Variants in DOK5 observed in about 807,000 individuals in gnomAD.
The protein encoded by DOK5 is downstream of tyrosine kinase 5.
In DOK5, 27 loss-of-function variants were observed where a neutral mutation model predicts 43.3. The observed-to-expected ratio is 0.62, with a 90% CI of 0.46 to 0.86. The LOEUF is 0.86. Among genes scored for constraint, DOK5 ranks in the 40% least tolerant of loss-of-function variants. The probability of loss-of-function intolerance (pLI) is 0.00; values close to 1 mark genes in which losing one functional copy is unlikely to be tolerated. For missense variants in DOK5, 373 were observed against 392.9 expected (o/e 0.95, Z 0.43); for synonymous variants, 146 against 140.1 (o/e 1.04, Z -0.30).
At position 54,591,704 on chromosome 20, in the gene DOK5, T is replaced by C. The variant is rs764444065; in HGVS notation, c.498T>C (p.Leu166=). ...ALQITYEYIC[L]WDVQNPRVKL... Reference sequence around the variant, plus strand: ...AGATTACATATGAGTATATCTGTCTTTGGGACGTCCAGAATCCCAGAGTCA... The same window carrying C: ...AGATTACATATGAGTATATCTGTCTCTGGGACGTCCAGAATCCCAGAGTCA... Residue 166 remains leucine (L), a synonymous_variant, in exon 5 of 8, where the codon CTT becomes CTC. Coordinates refer to ENST00000262593, the MANE Select transcript of DOK5 (RefSeq NM_018431.5). 6.2e-7 allele frequency: 1 copy of C among 1,614,216 alleles called. No individual in the cohort carries two copies. The highest frequency in any genetic ancestry group is 8.5e-7 in the Non-Finnish European group (1 of 1,180,014).
At chr20:54,594,059 G>A (rs1307249461) in intron 5 of DOK5, among the ~76,000 whole-genome samples, 1 of 152,232 alleles carries the variant, frequency 6.6e-6, no homozygotes, top group African/African-American at 2.4e-5. Flanking sequence ...CTTAATACCT[G>A]CATGATGAAA....
At chr20:54,648,863 C>T (rs866632302) in intron 7 of DOK5, among the ~76,000 whole-genome samples, 1 of 152,178 alleles carries the variant, frequency 6.6e-6, no homozygotes, top group Admixed American at 6.5e-5. Flanking sequence ...CAATGTTCCT[C>T]TAACTCTCTC....
At chr20:54,490,685 A>G (rs1217053678) in intron 1 of DOK5, among the ~76,000 whole-genome samples, 3 of 152,174 alleles carry the variant, frequency 2.0e-5, no homozygotes, top group Non-Finnish European at 4.4e-5. Flanking sequence ...TCCCGTGTTC[A>G]AGCAATTCTC....
At chr20:54,525,398 G>T (rs1372954326) in intron 1 of DOK5, among the ~76,000 whole-genome samples, 1 of 152,144 alleles carries the variant, frequency 6.6e-6, no homozygotes, top group African/African-American at 2.4e-5. Context: ...TTTATGCAGG[G>T]AATATGCACT....
chr20:54,525,652 G>A lies in DOK5; in HGVS notation c.67-29281G>A, dbSNP rs1226802616. Among the ~76,000 whole-genome samples, 4 of 152,172 alleles carry A rather than the reference G, an allele frequency of 2.6e-5. No individual in the cohort carries two copies. In the East Asian group the frequency reaches 7.7e-4, roughly 29 times the overall value. On this transcript the variant is annotated intron_variant, in intron 1 of 7. Coordinates refer to ENST00000262593, the MANE Select transcript of DOK5 (RefSeq NM_018431.5). ...GAGACAAGAATAATATTAGCTGGGA[G>A]AGTTAAATAGGCTACATTGATGCAG...
intron 2 of DOK5, among the ~76,000 whole-genome samples, chr20:54,567,301 A>T (rs1985130678): frequency 2.6e-5 from 4 of 152,130 alleles, no homozygotes; most frequent in Non-Finnish European, 5.9e-5. Context: ...TTAAGAAAAA[A>T]GGTATAGTTT....
chr20:54,618,083 C>T (rs1260125377), intron 6 of DOK5, among the ~76,000 whole-genome samples: 2 of 152,190 alleles, frequency 1.3e-5, no homozygotes, highest in Non-Finnish European at 2.9e-5. Context: ...TATGCTCCTA[C>T]AGGGCTTACA....
chr20:54,513,478 A>AG (rs561801956), intron 1 of DOK5, among the ~76,000 whole-genome samples: 1 of 150,746 alleles, frequency 6.6e-6, no homozygotes, highest in African/African-American at 2.4e-5. Context: ...AAAAAAAAAA[A>AG]AAAAAAAAAA....
chr20:54,625,306 C>T (rs890755449), intron 6 of DOK5, among the ~76,000 whole-genome samples: 7 of 152,168 alleles, frequency 4.6e-5, no homozygotes, highest in African/African-American at 1.7e-4. Flanking sequence ...GCCCCTGGGA[C>T]AGTGGGGGTC....
At chr20:54,605,014 T>TAAA (rs1345395269) in intron 5 of DOK5, among the ~76,000 whole-genome samples, 3 of 113,318 alleles carry the variant, frequency 2.6e-5, no homozygotes, top group Non-Finnish European at 5.3e-5. Context: ...AAAAAAAAAA[T>TAAA]ATATATATAT....
chr20:54,483,233 A>T (rs953688538), intron 1 of DOK5, among the ~76,000 whole-genome samples: 1 of 152,348 alleles, frequency 6.6e-6, no homozygotes, highest in African/African-American at 2.4e-5. Flanking sequence ...ACATCTGCCA[A>T]TGTATTTTTG....
chr20:54,563,649 TTCTC>T (rs1180606127), intron 2 of DOK5, among the ~76,000 whole-genome samples: 1 of 151,142 alleles, frequency 6.6e-6, no homozygotes, highest in Admixed American at 6.6e-5. Flanking sequence ...TGCTTTTCTC[TTCTC>T]TATTTGTCAG....
intron 6 of DOK5, among the ~76,000 whole-genome samples, chr20:54,630,100 G>C (rs112135648): frequency 2.0e-5 from 3 of 152,166 alleles, no homozygotes; most frequent in African/African-American, 7.2e-5. Flanking sequence ...CCTGGAAGCT[G>C]TTTGGAAACG....
rs556413003 is a variant in DOK5 at position 54,600,274 on chromosome 20, C to T, written c.599+8469C>T. On this transcript the variant is annotated intron_variant, in intron 5 of 7. Transcript: ENST00000262593. The stretch of plus-strand genomic sequence containing the variant: ...TTGAAGGTGGTTGTGAAGAATTTGG[C>T]TTTTAGTCTTAGTCTGATGGGGAGC... Among the ~76,000 whole-genome samples the T allele has an allele frequency of 3.9e-5, 6 of 152,172 alleles. No homozygotes were observed. The South Asian group carries it at 1.2e-3, about 32-fold the overall frequency.
intron 1 of DOK5, among the ~76,000 whole-genome samples, chr20:54,506,031 A>G (rs1041849573): frequency 6.6e-6 from 1 of 152,016 alleles, no homozygotes; most frequent in African/African-American, 2.4e-5. Flanking sequence ...TAAAAACATC[A>G]CTCTGGCTGC....
chr20:54,647,480 G>A (rs1181114243), intron 7 of DOK5, among the ~76,000 whole-genome samples: 1 of 150,658 alleles, frequency 6.6e-6, no homozygotes, highest in Non-Finnish European at 1.5e-5. Flanking sequence ...ACTCCTGCCT[G>A]GGCAACAAGA....
At chr20:54,476,077 C>A in intron 1 of DOK5, 65 bp downstream of exon 1, 1 of 1,599,082 alleles carries the variant, frequency 6.3e-7, no homozygotes, top group South Asian at 1.1e-5. Flanking sequence ...GAGCCAGCAT[C>A]CCTGGAGGGT....
intron 1 of DOK5, among the ~76,000 whole-genome samples, chr20:54,503,977 C>T (rs1982709229): frequency 6.6e-6 from 1 of 152,190 alleles, no homozygotes; most frequent in Admixed American, 6.5e-5. Context: ...TTCTGAGGAG[C>T]TGAAGGAGGA....
At position 54,650,568 on chromosome 20, in the gene DOK5, C is replaced by T. The variant is rs986731913; in HGVS notation, c.*89C>T. On this transcript the variant is annotated 3_prime_UTR_variant, in exon 8 of 8. Transcript: ENST00000262593. The stretch of plus-strand genomic sequence containing the variant: ...CACAGAATGACAGCAAGGGAAATGA[C>T]GACCAAGAGAAGAAGCTTAAAGTCC... 12 of 1,280,702 alleles carry T rather than the reference C, an allele frequency of 9.4e-6. No homozygotes were observed. Among genetic ancestry groups the T allele is most frequent in the African/African-American group, 2.9e-5 (2 of 68,060 alleles). The allele number at this position is 1,280,702 out of a possible 1,614,324, so 79.3% of individuals were successfully genotyped here.
Sources: gnomAD v4.1 joint callset for allele counts (sites outside exome capture counted in the v4.1 genomes callset) on GRCh38, gnomAD v4.1.1 for gene constraint, MANE v1.5 for transcripts, NCBI Gene and HGNC (gene_info 2026-07-23, HGNC 2026-07-21) for gene names.